Variants in DNAAF11 observed in about 807,000 individuals in gnomAD.
DNAAF11 encodes the protein dynein axonemal assembly factor 11.
In DNAAF11, 45 loss-of-function variants were observed where a neutral mutation model predicts 60.8. The observed-to-expected ratio is 0.74, with a 90% CI of 0.58 to 0.95. DNAAF11 has a LOEUF of 0.95. Among genes scored for constraint, DNAAF11 ranks in the 40% least tolerant of loss-of-function variants. The pLI is 0.00. For synonymous variants in DNAAF11, 191 were observed against 183.5 expected (o/e 1.04, Z -0.33); for missense variants, 546 against 546.2 (o/e 1.00, Z 0.00).
chr8:132,700,652 C>T, the DNAAF11 span, among the ~76,000 whole-genome samples: 1 of 152,106 alleles, frequency 6.6e-6, no homozygotes, highest in Non-Finnish European at 1.5e-5. Flanking sequence ...TGTGCCTCTG[C>T]ACTTGCACTC....
At chr8:132,657,283 C>T (rs950049112) in intron 2 of DNAAF11, among the ~76,000 whole-genome samples, 27 of 152,200 alleles carry the variant, frequency 1.8e-4, no homozygotes, top group African/African-American at 6.5e-4. Flanking sequence ...CAGGAGAGGA[C>T]ATGCACACCC....
At chr8:132,658,942 T>C (rs1396009782) in intron 2 of DNAAF11, among the ~76,000 whole-genome samples, 1 of 152,186 alleles carries the variant, frequency 6.6e-6, no homozygotes, top group Non-Finnish European at 1.5e-5. Flanking sequence ...GTCTGAGTTC[T>C]AGCCAGACCA....
In DNAAF11 at chr8:132,610,101, C is replaced by T. The variant is rs1404262198; in HGVS notation, c.1140+65G>A. On this transcript the variant is annotated intron_variant, in intron 10 of 11. Coordinates refer to ENST00000620350, the MANE Select transcript of DNAAF11 (RefSeq NM_012472.6). ...AATCAGAAGTCATCATTAGTCCTGA[C>T]AGGTCAAGTTCCTTCAGGAACCCTC... 3 of 1,125,024 alleles carry T rather than the reference C, an allele frequency of 2.7e-6. No homozygotes were observed. In the Admixed American group the frequency reaches 5.2e-5, roughly 19 times the overall value. 69.7% of individuals were successfully genotyped at this position (1,125,024 alleles called of 1,614,324 possible). A position where few individuals can be genotyped will look rare whatever the true frequency, so the allele number is the denominator to read the frequency against.
chr8:132,620,554 C>A (rs559006102), intron 7 of DNAAF11, among the ~76,000 whole-genome samples: 76 of 152,192 alleles, frequency 5.0e-4, no homozygotes, highest in Middle Eastern at 3.4e-3. Flanking sequence ...AGGCTGGTCT[C>A]GAACTACTGA....
intron 7 of DNAAF11, among the ~76,000 whole-genome samples, chr8:132,615,859 C>T (rs1329202403): frequency 3.9e-5 from 6 of 152,130 alleles, no homozygotes; most frequent in African/African-American, 1.2e-4. Flanking sequence ...AAACATACAA[C>T]TCAACAATAT....
At chr8:132,594,646 G>A (rs1373686997) in intron 10 of DNAAF11, among the ~76,000 whole-genome samples, 1 of 152,020 alleles carries the variant, frequency 6.6e-6, no homozygotes, top group Non-Finnish European at 1.5e-5. Context: ...TCATAGTGAG[G>A]GAGTTCTCAG....
chr8:132,590,451 T>C (rs1013276308), intron 10 of DNAAF11, among the ~76,000 whole-genome samples: 4 of 152,254 alleles, frequency 2.6e-5, no homozygotes, highest in Non-Finnish European at 5.9e-5. Context: ...TTTTTTCCTT[T>C]CTTTGACTTC....
At chr8:132,631,640 G>A (rs1193209053) in intron 5 of DNAAF11, among the ~76,000 whole-genome samples, 1 of 152,176 alleles carries the variant, frequency 6.6e-6, no homozygotes, top group African/African-American at 2.4e-5. Context: ...CAGGATAGCA[G>A]ACGCCACTGG....
At chr8:132,573,565 G>C (rs1814440004) in intron 11 of DNAAF11, among the ~76,000 whole-genome samples, 1 of 152,118 alleles carries the variant, frequency 6.6e-6, no homozygotes, top group South Asian at 2.1e-4. Flanking sequence ...TTGTTGAATA[G>C]ATGAAAAATA....
At position 132,570,486 on chromosome 8, in the gene DNAAF11, A is replaced by G. The variant is rs1386777577; in HGVS notation, c.*1820T>C. ...AAAAGTATAATTTTGCTTTCTCTCT[A>G]TGTGGAAATTAAATACAGTCCTGAC... On this transcript the variant is annotated 3_prime_UTR_variant, in exon 12 of 12. Transcript: ENST00000620350. 2.0e-5 allele frequency among the ~76,000 whole-genome samples: 3 copies of G among 152,170 alleles called. No homozygotes were observed. The highest frequency in any genetic ancestry group is 7.2e-5 in the African/African-American group (3 of 41,438).
At chr8:132,668,524 T>G (rs1314031391) in intron 1 of DNAAF11, among the ~76,000 whole-genome samples, 1 of 152,000 alleles carries the variant, frequency 6.6e-6, no homozygotes, top group African/African-American at 2.4e-5. Context: ...CTGCAAGCTC[T>G]GCCTCCCGGG....
chr8:132,650,637 A>G (rs1822913321), intron 3 of DNAAF11, among the ~76,000 whole-genome samples: 1 of 152,220 alleles, frequency 6.6e-6, no homozygotes, highest in African/African-American at 2.4e-5. Context: ...CTACAAATAA[A>G]ACAGTCTATA....
intron 10 of DNAAF11, among the ~76,000 whole-genome samples, chr8:132,597,882 A>G (rs977391813): frequency 6.6e-6 from 1 of 152,138 alleles, no homozygotes; most frequent in African/African-American, 2.4e-5. Flanking sequence ...GAGAATAAAG[A>G]CTGCTAAGAT....
chr8:132,572,528 A>C (rs1814314762), intron 11 of DNAAF11, 48 bp from the exon 12 acceptor site: 1 of 1,425,980 alleles, frequency 7.0e-7, no homozygotes, highest in African/African-American at 1.4e-5. Context: ...ACATCATTTA[A>C]AATTTCAAAC....
At chr8:132,578,540 T>C in intron 11 of DNAAF11, 1 of 1,382,532 alleles carries the variant, frequency 7.2e-7, no homozygotes, top group Non-Finnish European at 9.9e-7. Context: ...TCAACAGATT[T>C]AACATCATGG....
At chr8:132,659,884 A>G (rs1364724604) in intron 2 of DNAAF11, among the ~76,000 whole-genome samples, 3 of 152,074 alleles carry the variant, frequency 2.0e-5, no homozygotes, top group East Asian at 1.9e-4. Context: ...CCTGGCCTCT[A>G]TACACTAGAT....
intron 3 of DNAAF11, among the ~76,000 whole-genome samples, chr8:132,644,793 C>T (rs1822207009): frequency 6.6e-6 from 1 of 152,196 alleles, no homozygotes; most frequent in South Asian, 2.1e-4. Flanking sequence ...GGAGGGACGT[C>T]CACCATTGCT....
rs916523057 is a variant in DNAAF11, at chr8:132,610,168, T to G, written c.1138A>C (p.Lys380Gln). 3.1e-6 allele frequency: 5 copies of G among 1,612,498 alleles called. No individual in the cohort carries two copies. Among genetic ancestry groups the G allele is most frequent in the Middle Eastern group, 1.7e-4 (1 of 6,060 alleles). ...TTGHLVICMPKVGEVITGGQR... is the reference protein window; with the variant it reads ...TTGHLVICMPQVGEVITGGQR... ...TTGACCCAAATGACATGACCTACCT[T>G]GGGCATGCAGATGACCAAATGACCC... Residue 380 changes from lysine (K) to glutamine (Q), a missense_variant and splice_region_variant, in exon 10 of 12, where the codon AAG becomes CAG. Lys to Gln is a moderately conservative substitution (Grantham distance 53, BLOSUM62 1). Transcript: ENST00000620350.
chr8:132,698,175 G>A, the DNAAF11 span, among the ~76,000 whole-genome samples: 2 of 152,106 alleles, frequency 1.3e-5, no homozygotes, highest in Admixed American at 1.3e-4. Flanking sequence ...ACAACATAAG[G>A]CAGAGTGTTC....
Sources: allele counts gnomAD v4.1 joint callset (sites outside exome capture counted in the v4.1 genomes callset), GRCh38; gene constraint gnomAD v4.1.1; transcripts MANE v1.5; gene names NCBI Gene and HGNC (gene_info 2026-07-23, HGNC 2026-07-21).